The following ZBTB1 variants were observed in gnomAD, a reference collection of about 807,000 sequenced individuals.
ZBTB1 encodes the protein zinc finger and BTB domain-containing protein 1.
A neutral mutation model predicts 51.6 loss-of-function variants in ZBTB1; 13 were observed. That is an observed-to-expected ratio of 0.25 (90% CI 0.16 to 0.40). ZBTB1 has a LOEUF of 0.40. ZBTB1 is among the 10% of genes least tolerant of loss of function. ZBTB1 has a pLI of 1.00. For synonymous variants in ZBTB1, 240 were observed against 282.2 expected (o/e 0.85, Z 1.50); for missense variants, 567 against 856.5 (o/e 0.66, Z 4.22).
At chr14:64,508,460 T>G (rs922038501) in intron 1 of ZBTB1, among the ~76,000 whole-genome samples, 2 of 152,160 alleles carry the variant, frequency 1.3e-5, no homozygotes, top group Non-Finnish European at 1.5e-5. Flanking sequence ...TGAGAGCTTT[T>G]AGATTCATGA....
At chr14:64,516,832 A>G (rs1566632536) in intron 1 of ZBTB1, 1 of 152,240 alleles carries the variant, frequency 6.6e-6, no homozygotes, top group Non-Finnish European at 1.5e-5. Flanking sequence ...TTAGTGTTTT[A>G]TGTTAATAAA....
At chr14:64,519,321 T>C (rs1020949314) in intron 1 of ZBTB1, among the ~76,000 whole-genome samples, 1 of 151,636 alleles carries the variant, frequency 6.6e-6, no homozygotes, top group Non-Finnish European at 1.5e-5. Flanking sequence ...GCTAACTTTT[T>C]TTATTTTTAG....
At position 64,524,692 on chromosome 14, in the gene ZBTB1, T is replaced by A; in HGVS notation, c.*1046T>A. The A allele has an allele frequency of 1.0e-6, 1 of 985,072 alleles. No individual in the cohort carries two copies. The highest frequency in any genetic ancestry group is 1.2e-6 in the Non-Finnish European group (1 of 829,616). 61.0% of individuals were successfully genotyped at this position (985,072 alleles called of 1,614,324 possible). ...AGAGTGCACAAAAAAATGTCTTGTG[T>A]TTTATACTGTCTAAGATTTGGAGGA... On this transcript the variant is annotated 3_prime_UTR_variant, in exon 2 of 2. Transcript: ENST00000683701.
intron 1 of ZBTB1, among the ~76,000 whole-genome samples, chr14:64,516,263 T>A (rs2079784859): frequency 6.6e-6 from 1 of 152,100 alleles, no homozygotes; most frequent in South Asian, 2.1e-4. Flanking sequence ...CTCAAAAAAA[T>A]AATAATTAAA....
intron 1 of ZBTB1, among the ~76,000 whole-genome samples, chr14:64,519,362 C>T (rs941750117): frequency 2.0e-5 from 3 of 150,994 alleles, no homozygotes; most frequent in African/African-American, 7.3e-5. Context: ...GTTGGCCAGG[C>T]TGGTCTCGAA....
intron 1 of ZBTB1, among the ~76,000 whole-genome samples, chr14:64,517,508 T>A (rs1377890546): frequency 6.6e-6 from 1 of 151,990 alleles, no homozygotes; most frequent in Non-Finnish European, 1.5e-5. Context: ...TACTCTATAG[T>A]TTATTATTTA....
At chr14:64,512,439 C>T (rs1268010519) in intron 1 of ZBTB1, among the ~76,000 whole-genome samples, 1 of 152,180 alleles carries the variant, frequency 6.6e-6, no homozygotes, top group Non-Finnish European at 1.5e-5. Flanking sequence ...TATCACACTG[C>T]TCCTTGGATC....
chr14:64,513,004 T>G (rs1487761267), intron 1 of ZBTB1, among the ~76,000 whole-genome samples: 1 of 152,198 alleles, frequency 6.6e-6, no homozygotes, highest in East Asian at 1.9e-4. Context: ...TATAACACTG[T>G]ATGCCTCTGT....
chr14:64,532,557 T>G (rs1020263988), exon 3 of ZBTB1: 1 of 152,134 alleles, frequency 6.6e-6, no homozygotes. Flanking sequence ...AAACTCCCTT[T>G]TAAACCTGTT....
downstream of ZBTB1, among the ~76,000 whole-genome samples, chr14:64,525,915 G>C (rs930021046): frequency 6.6e-6 from 1 of 152,136 alleles, no homozygotes; most frequent in African/African-American, 2.4e-5. Context: ...CCACCTCCCA[G>C]AATCAAGCAG....
downstream of ZBTB1, chr14:64,525,002 G>A: frequency 2.2e-6 from 2 of 906,360 alleles, no homozygotes; most frequent in Non-Finnish European, 1.3e-6. Flanking sequence ...CATAATGAAA[G>A]GGATTTTAAT....
downstream of ZBTB1, among the ~76,000 whole-genome samples, chr14:64,528,344 C>CTTTT (rs71123857): frequency 2.7e-4 from 31 of 115,494 alleles, no homozygotes; most frequent in African/African-American, 4.5e-4. Context: ...TTTTTCTTTT[C>CTTTT]TTTTTTTTTT....
chr14:64,523,740 T>G lies in ZBTB1; in HGVS notation c.*94T>G. 7.2e-7 allele frequency: 1 copy of G among 1,382,260 alleles called. No individual in the cohort carries two copies. The allele number at this position is 1,382,260 out of a possible 1,614,324, so 85.6% of individuals were successfully genotyped here. Reference sequence around the variant, plus strand: ...TTAGGAATTGATTATATAAGATGATTTGTTAGAAACAAATTTCAAGGCCCT... The same window carrying G: ...TTAGGAATTGATTATATAAGATGATGTGTTAGAAACAAATTTCAAGGCCCT... On this transcript the variant is annotated 3_prime_UTR_variant, in exon 2 of 2. Transcript: ENST00000683701. The surrounding 1 kb of genome is among the most constrained non-coding windows in gnomAD (Gnocchi z 4.5).
chr14:64,522,699 A>G lies in ZBTB1; in HGVS notation c.1195A>G (p.Arg399Gly). The G allele has an allele frequency of 6.2e-7, 1 of 1,614,214 alleles. No homozygotes were observed. The highest frequency in any genetic ancestry group is 8.5e-7 in the Non-Finnish European group (1 of 1,180,020). Residue 399 changes from arginine (R) to glycine (G), a missense_variant, in exon 2 of 2, where the codon AGA (arginine) becomes GGA (glycine). Physicochemically the swap from Arg to Gly is moderately radical, Grantham distance 125. Coordinates refer to ENST00000683701, the MANE Select transcript of ZBTB1 (RefSeq NM_001123329.2). ...KPRMSVSADE[R>G]GGLENMRPPN... is the part of the protein sequence containing the mutation. ...TCGAATGTCAGTAAGTGCTGATGAA[A>G]GAGGTGGTTTAGAGAATATGAGGCC...
At chr14:64,503,871 G>GCGTGCGTA (rs1318827149), upstream of ZBTB1, 1 of 152,502 alleles carries the variant, frequency 6.6e-6, no homozygotes, top group African/African-American at 2.4e-5. Flanking sequence ...GTGCGTGCGT[G>GCGTGCGTA]CGTGCGTACG....
intron 1 of ZBTB1, among the ~76,000 whole-genome samples, chr14:64,519,614 AAAAAAAAAC>A (rs2079838110): frequency 6.6e-6 from 1 of 151,066 alleles, no homozygotes; most frequent in Non-Finnish European, 1.5e-5. Context: ...AATATTAAAA[AAAAAAAAAC>A]AAAAAAAAAC....
chr14:64,526,792 G>C (rs1028369247), downstream of ZBTB1, among the ~76,000 whole-genome samples: 5 of 151,984 alleles, frequency 3.3e-5, no homozygotes, highest in African/African-American at 9.7e-5. Flanking sequence ...CTGTAGTTCC[G>C]GCTACTCGGG....
chr14:64,515,893 C>A (rs1212942300), intron 1 of ZBTB1, among the ~76,000 whole-genome samples: 2 of 152,152 alleles, frequency 1.3e-5, no homozygotes, highest in Non-Finnish European at 2.9e-5. Flanking sequence ...TCCCTCCTCC[C>A]CTGCCGCATA....
rs1247343734 is a variant in ZBTB1 at position 64,521,889 on chromosome 14, TCTG to T, written c.388_390del (p.Ala130del). The stretch of plus-strand genomic sequence containing the variant: ...TTGTTCTAGTTCAAAATGTTCCTCT[TCTG>T]CTTCCAGCAAACAGAACAGCAAAAT... On this transcript the variant is annotated inframe_deletion, in exon 2 of 2. Coordinates refer to ENST00000683701, the MANE Select transcript of ZBTB1 (RefSeq NM_001123329.2). 2 of 1,613,740 alleles carry T rather than the reference TCTG, an allele frequency of 1.2e-6. No homozygotes were observed. Among genetic ancestry groups the T allele is most frequent in the Non-Finnish European group, 1.7e-6 (2 of 1,180,048 alleles).
Sources: allele counts gnomAD v4.1 joint callset (sites outside exome capture counted in the v4.1 genomes callset), GRCh38; gene constraint gnomAD v4.1.1; non-coding constraint Gnocchi (gnomAD v3.1); transcripts MANE v1.5; gene names NCBI Gene and HGNC (gene_info 2026-07-23, HGNC 2026-07-21).